Variants in SIRPA observed in about 807,000 individuals in gnomAD.
The protein encoded by SIRPA is tyrosine-protein phosphatase non-receptor type substrate 1.
SIRPA carries 9 observed loss-of-function variants against 50.3 expected under a neutral mutation model. The ratio of observed to expected loss-of-function variants is 0.18; its 90% CI spans 0.11 to 0.31. SIRPA has a LOEUF of 0.31. Ranked by LOEUF, SIRPA falls within the 10% of genes least tolerant of loss-of-function variation. SIRPA has a pLI of 1.00. For synonymous variants in SIRPA, 265 were observed against 284.1 expected, an observed-to-expected ratio of 0.93 and a Z score of 0.68; for missense variants, 474 against 661.6, an observed-to-expected ratio of 0.72 and a Z score of 3.11.
In SIRPA at chr20:1,938,438, T is replaced by G. The variant is rs1363163553; in HGVS notation, c.*870T>G. ...GATCTGTGGTGTTTTGTTTTGTTTT[T>G]TTTCTTAAAACAACAGCAACGTGAT... On this transcript the variant is annotated 3_prime_UTR_variant, in exon 8 of 8. Transcript: ENST00000358771. 2 of 152,698 alleles carry G rather than the reference T, an allele frequency of 1.3e-5. No homozygotes were observed. Among genetic ancestry groups the G allele is most frequent in the Non-Finnish European group, 2.9e-5 (2 of 68,054 alleles). 9.5% of individuals were successfully genotyped at this position (152,698 alleles called of 1,614,324 possible). A position where few individuals can be genotyped will look rare whatever the true frequency, so the allele number is the denominator to read the frequency against.
In SIRPA at chr20:1,930,780, G is replaced by A. The variant is rs2122169918; in HGVS notation, c.1226+2881G>A. On this transcript the variant is annotated intron_variant, in intron 6 of 7. Transcript: ENST00000358771. ...TAATTTTGTATTTTTAGTAGAGATG[G>A]GGTTTCTCCTTGTTGGTCAGGCTGG... is the stretch of plus-strand genomic sequence containing the variant. Among the ~76,000 whole-genome samples, 3 of 152,142 alleles carry A rather than the reference G, an allele frequency of 2.0e-5. No individual in the cohort carries two copies. The South Asian group carries it at 6.2e-4, about 32-fold the overall frequency.
Position 1,928,016 on chromosome 20 carries a change from T to C in SIRPA, c.1226+117T>C. The C allele has an allele frequency of 1.2e-6, 1 of 860,434 alleles. No homozygotes were observed. Among genetic ancestry groups the C allele is most frequent in the Middle Eastern group, 2.2e-4 (1 of 4,544 alleles). 53.3% of individuals were successfully genotyped at this position (860,434 alleles called of 1,614,324 possible). A position where few individuals can be genotyped will look rare whatever the true frequency, so the allele number is the denominator to read the frequency against. On this transcript the variant is annotated intron_variant, in intron 6 of 7. Transcript: ENST00000358771. This position sits in a 1 kb window ranked among gnomAD's most constrained non-coding sequence, Gnocchi z 4.9. ...CCTCACCAATGTGTTGGTCAACATG[T>C]CTCTTTCTCTCCTTTGTAACCTCCT...
At chr20:1,921,321 T>G (rs1384473618) in intron 2 of SIRPA, 74 bp from the exon 3 acceptor site, 22 of 1,608,216 alleles carry the variant, frequency 1.4e-5, no homozygotes, top group Non-Finnish European at 1.7e-5. Flanking sequence ...AGAAGGTTCT[T>G]AACGTGTCAC....
chr20:1,906,905 T>A (rs564270927), intron 1 of SIRPA, among the ~76,000 whole-genome samples: 7 of 152,280 alleles, frequency 4.6e-5, no homozygotes, highest in African/African-American at 7.2e-5. Flanking sequence ...AGGAAATGTC[T>A]CATTCTGAGT....
Position 1,924,896 on chromosome 20 carries a change from T to G in SIRPA, c.1201+19T>G. 6.3e-7 allele frequency: 1 copy of G among 1,591,524 alleles called. No individual in the cohort carries two copies. The highest frequency in any genetic ancestry group is 2.2e-5 in the East Asian group (1 of 44,742). Reference sequence around the variant, plus strand: ...AAGAAAGGTGGGTGCATTCCCCTCTTCCTCCCTAAGGGTTTGTCCCTGGAC... The same window carrying G: ...AAGAAAGGTGGGTGCATTCCCCTCTGCCTCCCTAAGGGTTTGTCCCTGGAC... On this transcript the variant is annotated intron_variant, in intron 5 of 7. Transcript: ENST00000358771. This position sits in a 1 kb window ranked among gnomAD's most constrained non-coding sequence, Gnocchi z 4.5.
At chr20:1,926,090 C>T (rs950991809) in intron 5 of SIRPA, among the ~76,000 whole-genome samples, 1 of 152,224 alleles carries the variant, frequency 6.6e-6, no homozygotes, top group African/African-American at 2.4e-5. Flanking sequence ...AATCACGCAT[C>T]CCTTCAGTAG....
Position 1,938,867 on chromosome 20 carries a change from G to C in SIRPA, c.*1299G>C, listed in dbSNP as rs535052702. The C allele has an allele frequency of 6.5e-6, 1 of 152,702 alleles. No homozygotes were observed. The highest frequency in any genetic ancestry group is 1.5e-5 in the Non-Finnish European group (1 of 68,074). The allele number at this position is 152,702 out of a possible 1,614,324, so 9.5% of individuals were successfully genotyped here. ...CTCATAAGCACTTTAGGAACACACA[G>C]AGGGTAGGGATAGTGGCCCTGGCCG... On this transcript the variant is annotated 3_prime_UTR_variant, in exon 8 of 8. Transcript: ENST00000358771.
At chr20:1,907,381 C>G (rs35933317) in intron 1 of SIRPA, among the ~76,000 whole-genome samples, 1 of 152,184 alleles carries the variant, frequency 6.6e-6, no homozygotes, top group East Asian at 1.9e-4. Flanking sequence ...GATGGGCAAC[C>G]GAAACCATCC....
At chr20:1,894,780 G>C (rs1233857100), upstream of SIRPA, 4 of 147,800 alleles carry the variant, frequency 2.7e-5, no homozygotes, top group African/African-American at 9.8e-5. The surrounding 1 kb of genome is among the most constrained non-coding windows in gnomAD (Gnocchi z 4.0). Context: ...GCAGGCGGGC[G>C]CTCGCTCGCA....
intron 1 of SIRPA, 122 bp downstream of exon 1, chr20:1,895,648 C>G: frequency 1.3e-6 from 1 of 743,170 alleles, no homozygotes; most frequent in Non-Finnish European, 1.9e-6. Context: ...CGCCTGTAAC[C>G]AGGGTTATAG....
intron 1 of SIRPA, among the ~76,000 whole-genome samples, chr20:1,896,617 C>G (rs993267506): frequency 4.6e-5 from 7 of 152,090 alleles, no homozygotes; most frequent in Non-Finnish European, 1.0e-4. Flanking sequence ...CCAACACCCC[C>G]TTTTGCGTTT....
rs151145397 is a variant in SIRPA, at chr20:1,903,038, G to GA, written c.79+7515dup. 6.5e-5 allele frequency among the ~76,000 whole-genome samples: 6 copies of GA among 92,142 alleles called. No individual in the cohort carries two copies. The East Asian group carries it at 7.6e-4, about 12-fold the overall frequency. 60.4% of individuals were successfully genotyped at this position (92,142 alleles called of 152,430 possible). ...AAAAAAAAAAAAAAAAAAAAGAAAAGAAAGAAAAGAAAATGGAGGAGTAGC... is the reference window on the plus strand; with the variant it reads ...AAAAAAAAAAAAAAAAAAAAGAAAAGAAAAGAAAAGAAAATGGAGGAGTAGC... On this transcript the variant is annotated intron_variant, in intron 1 of 7. Transcript: ENST00000358771.
chr20:1,938,074 T>A lies in SIRPA; in HGVS notation c.*506T>A, dbSNP rs1986701859. 6.6e-6 allele frequency: 1 copy of A among 150,712 alleles called. No individual in the cohort carries two copies. Among genetic ancestry groups the A allele is most frequent in the South Asian group, 1.8e-4 (1 of 5,496 alleles). 9.3% of individuals were successfully genotyped at this position (150,712 alleles called of 1,614,324 possible). ...TTTCCCCTTTAGATCAAACTGCCCC[T>A]TCCATGGAAAAGCTGGAAAAAAACT... On this transcript the variant is annotated 3_prime_UTR_variant, in exon 8 of 8. Coordinates refer to ENST00000358771, the MANE Select transcript of SIRPA (RefSeq NM_001040023.2).
intron 1 of SIRPA, among the ~76,000 whole-genome samples, chr20:1,914,337 C>T (rs2123085457): frequency 6.6e-6 from 1 of 152,292 alleles, no homozygotes; most frequent in Non-Finnish European, 1.5e-5. Context: ...CTCTAAAGAC[C>T]AGATGCTGCA....
chr20:1,895,778 C>T (rs1983767585), intron 1 of SIRPA, among the ~76,000 whole-genome samples: 1 of 152,216 alleles, frequency 6.6e-6, no homozygotes, highest in Non-Finnish European at 1.5e-5. Context: ...GTGCACTGTG[C>T]TGGGCACTGA....
At chr20:1,931,041 A>G (rs1986273883) in intron 6 of SIRPA, among the ~76,000 whole-genome samples, 1 of 152,186 alleles carries the variant, frequency 6.6e-6, no homozygotes, top group African/African-American at 2.4e-5. Flanking sequence ...CTTTATGTGT[A>G]TTAACCCACT....
chr20:1,924,947 G>A lies in SIRPA; in HGVS notation c.1201+70G>A. 8.0e-7 allele frequency: 1 copy of A among 1,249,918 alleles called. No individual in the cohort carries two copies. The highest frequency in any genetic ancestry group is 1.2e-6 in the Non-Finnish European group (1 of 858,070). 77.4% of individuals were successfully genotyped at this position (1,249,918 alleles called of 1,614,324 possible). Reference sequence around the variant, plus strand: ...TGTCCTCGGAGGGAGACGCCATTAGGTGCTTTGGGTTAAGGACATCAGCTT... The same window carrying A: ...TGTCCTCGGAGGGAGACGCCATTAGATGCTTTGGGTTAAGGACATCAGCTT... On this transcript the variant is annotated intron_variant, in intron 5 of 7. Transcript: ENST00000358771. This position sits in a 1 kb window ranked among gnomAD's most constrained non-coding sequence, Gnocchi z 4.5.
chr20:1,929,906 G>T (rs1184900544), intron 6 of SIRPA, among the ~76,000 whole-genome samples: 1 of 152,044 alleles, frequency 6.6e-6, no homozygotes, highest in African/African-American at 2.4e-5. Context: ...TGGGCCCCTT[G>T]TGGTCCAGTT....
intron 4 of SIRPA, among the ~76,000 whole-genome samples, chr20:1,923,002 C>T (rs946139648): frequency 7.2e-6 from 1 of 138,764 alleles, no homozygotes; most frequent in African/African-American, 2.7e-5. Context: ...CTTTCTAGCC[C>T]CTGCCTCATC....
Sources: allele counts gnomAD v4.1 joint callset (sites outside exome capture counted in the v4.1 genomes callset), GRCh38; gene constraint gnomAD v4.1.1; non-coding constraint Gnocchi (gnomAD v3.1); transcripts MANE v1.5; gene names NCBI Gene and HGNC (gene_info 2026-07-23, HGNC 2026-07-21).